Variants in PRMT8 observed in about 807,000 individuals in gnomAD.
PRMT8 encodes protein arginine N-methyltransferase 8.
Under a neutral mutation model 47.1 loss-of-function variants are expected in PRMT8, and 7 were observed. That is an observed-to-expected ratio of 0.15 (90% CI 0.08 to 0.28). The LOEUF (loss-of-function observed/expected upper bound fraction) is 0.28. Ranked by LOEUF, PRMT8 falls within the 10% of genes least tolerant of loss-of-function variation. PRMT8 has a pLI of 1.00. For synonymous variants in PRMT8, 188 were observed against 186.5 expected (o/e 1.01, Z -0.07); for missense variants, 237 against 505.4 (o/e 0.47, Z 5.09).
chr12:3,418,452 C>T (rs1864506098), intron 1 of PRMT8, among the ~76,000 whole-genome samples: 1 of 152,226 alleles, frequency 6.6e-6, no homozygotes, highest in African/African-American at 2.4e-5. Flanking sequence ...TGAGCTTCTG[C>T]TCCACATGGG....
intron 1 of PRMT8, among the ~76,000 whole-genome samples, chr12:3,382,879 T>A (rs1280611429): frequency 6.6e-6 from 1 of 152,236 alleles, no homozygotes; most frequent in Non-Finnish European, 1.5e-5. Flanking sequence ...GAGTTAATTT[T>A]TATATACCAT....
intron 1 of PRMT8, among the ~76,000 whole-genome samples, chr12:3,537,386 G>T (rs1866137856): frequency 1.3e-5 from 2 of 152,016 alleles, no homozygotes; most frequent in Admixed American, 1.3e-4. Flanking sequence ...ATCTATTTTT[G>T]TATTGGCTTG....
Position 3,478,262 on chromosome 12 carries a change from A to ATCTG in PRMT8, c.49-62341_49-62340insGTCT, listed in dbSNP as rs1273892996. On this transcript the variant is annotated intron_variant, in intron 1 of 9. Coordinates refer to the PRMT8 transcript ENST00000452611. ...ATTTATATCTATTGATCCACCTATC[A>ATCTG]TCTATCTATCTATCTATCTATCTAT... Among the ~76,000 whole-genome samples the ATCTG allele has an allele frequency of 4.0e-4, 28 of 70,344 alleles. No homozygotes were observed. In the South Asian group the frequency reaches 0.013, roughly 33 times the overall value. 46.1% of individuals were successfully genotyped at this position (70,344 alleles called of 152,430 possible).
intron 1 of PRMT8, among the ~76,000 whole-genome samples, chr12:3,479,826 C>T (rs1408878051): frequency 6.7e-6 from 1 of 149,856 alleles, no homozygotes; most frequent in African/African-American, 2.5e-5. Context: ...TTATTTGTTA[C>T]ATGTTAGTGT....
rs1159155879 is a variant in PRMT8, at chr12:3,538,912, G to C, written c.76-1694G>C. ...ACTGGGAAGTCTGCTTATTTCCCAA[G>C]GGCGGTAGCCTAGGTACACTGGGAA... On this transcript the variant is annotated intron_variant, in intron 1 of 9. Coordinates refer to ENST00000382622, the MANE Select transcript of PRMT8 (RefSeq NM_019854.5). This position sits in a 1 kb window ranked among gnomAD's most constrained non-coding sequence, Gnocchi z 4.6. Among the ~76,000 whole-genome samples the C allele has an allele frequency of 1.3e-5, 2 of 152,186 alleles. No individual in the cohort carries two copies. Among genetic ancestry groups the C allele is most frequent in the Admixed American group, 1.3e-4 (2 of 15,280 alleles).
chr12:3,504,478 G>T (rs796745819), intron 1 of PRMT8, among the ~76,000 whole-genome samples: 20,884 of 101,532 alleles, frequency 0.21, 162 homozygotes, highest in African/African-American at 0.38. Context: ...GTGTCAGTGT[G>T]CCCCTGGTGG....
At chr12:3,494,619 A>G (rs1338732663) in intron 1 of PRMT8, among the ~76,000 whole-genome samples, 2 of 152,238 alleles carry the variant, frequency 1.3e-5, no homozygotes, top group African/African-American at 4.8e-5. Context: ...GGATGGGAGA[A>G]AGTGTTCGTT....
intron 1 of PRMT8, among the ~76,000 whole-genome samples, chr12:3,499,353 CG>C (rs1475249797): frequency 1.1e-5 from 1 of 92,946 alleles, no homozygotes; most frequent in Non-Finnish European, 2.1e-5. Flanking sequence ...CCCCTCCCCC[CG>C]ACCCCACCAC....
intron 7 of PRMT8, among the ~76,000 whole-genome samples, chr12:3,581,085 C>T (rs1358398265): frequency 2.6e-5 from 4 of 152,178 alleles, no homozygotes; most frequent in Non-Finnish European, 4.4e-5. Context: ...CAAGCTGAAC[C>T]AGCAGTGTGC....
Position 3,451,938 on chromosome 12 carries a change from C to T in PRMT8, c.48+70496C>T, listed in dbSNP as rs116893360. 3.8e-4 allele frequency among the ~76,000 whole-genome samples: 58 copies of T among 152,252 alleles called. 1 individual carries two copies. The East Asian group carries it at 9.8e-3, about 26-fold the overall frequency. ...AGTTGAGGAGTAGAGAAGATAGATG[C>T]GGCTTCTCCACATAAATAAGCTGTA... On this transcript the variant is annotated intron_variant, in intron 1 of 9. Transcript: ENST00000452611.
rs904942079 is a variant in PRMT8 at position 3,409,484 on chromosome 12, T to A, written c.48+28042T>A. Among the ~76,000 whole-genome samples, 3 of 152,060 alleles carry A rather than the reference T, an allele frequency of 2.0e-5. No homozygotes were observed. The highest frequency in any genetic ancestry group is 7.2e-5 in the African/African-American group (3 of 41,390). On this transcript the variant is annotated intron_variant, in intron 1 of 9. Coordinates refer to the PRMT8 transcript ENST00000452611. The surrounding 1 kb of genome is among the most constrained non-coding windows in gnomAD (Gnocchi z 4.4). The stretch of plus-strand genomic sequence containing the variant: ...AGGACCCCTGGGTCCTTGGTGAAAT[T>A]CAGCTGCAGCTTGGGCCTCAGGAAG...
At chr12:3,485,385 C>T (rs1865313520) in intron 1 of PRMT8, among the ~76,000 whole-genome samples, 1 of 152,134 alleles carries the variant, frequency 6.6e-6, no homozygotes, top group African/African-American at 2.4e-5. Context: ...TCTGATTGTT[C>T]CAGCTACAGT....
intron 1 of PRMT8, among the ~76,000 whole-genome samples, chr12:3,475,840 A>G (rs1260059780): frequency 6.6e-6 from 1 of 152,214 alleles, no homozygotes; most frequent in Non-Finnish European, 1.5e-5. Flanking sequence ...CTTGTTTGTT[A>G]TGCTCATTCT....
intron 1 of PRMT8, among the ~76,000 whole-genome samples, chr12:3,387,048 G>A (rs1432082858): frequency 2.6e-5 from 4 of 152,124 alleles, no homozygotes; most frequent in East Asian, 1.9e-4. Flanking sequence ...AATAGGCTAT[G>A]AGCCCTTCAA....
intron 2 of PRMT8, among the ~76,000 whole-genome samples, chr12:3,545,353 T>C (rs1866309636): frequency 6.6e-6 from 1 of 152,242 alleles, no homozygotes; most frequent in Admixed American, 6.5e-5. Flanking sequence ...CCATGCCTGG[T>C]TCTAGATATA....
At chr12:3,445,405 T>C (rs1302121790) in intron 1 of PRMT8, among the ~76,000 whole-genome samples, 6 of 152,238 alleles carry the variant, frequency 3.9e-5, no homozygotes, top group Admixed American at 1.3e-4. Context: ...TAATTCACTT[T>C]ATTGATTTAA....
At chr12:3,505,433 C>G (rs893595397) in intron 1 of PRMT8, among the ~76,000 whole-genome samples, 1 of 152,222 alleles carries the variant, frequency 6.6e-6, no homozygotes, top group Admixed American at 6.5e-5. Flanking sequence ...GCTTCTCACT[C>G]AGCTGCACAC....
intron 8 of PRMT8, among the ~76,000 whole-genome samples, chr12:3,584,464 C>T (rs1030906356): frequency 2.6e-5 from 4 of 152,182 alleles, no homozygotes; most frequent in African/African-American, 9.7e-5. Context: ...ACCTGATCCC[C>T]GCTTTCCCTT....
At position 3,576,825 on chromosome 12, in the gene PRMT8, T is replaced by A. The variant is rs1866954140; in HGVS notation, c.713-46T>A. On this transcript the variant is annotated intron_variant, in intron 6 of 9. Transcript: ENST00000382622. The surrounding 1 kb of genome is among the most constrained non-coding windows in gnomAD (Gnocchi z 4.0). ...AGGACTCAGGAGGGTTGGGTGAGCTTCTGGGGGTCCTGCGCCTGCCTTCAC... is the reference window on the plus strand; with the variant it reads ...AGGACTCAGGAGGGTTGGGTGAGCTACTGGGGGTCCTGCGCCTGCCTTCAC... The A allele has an allele frequency of 6.6e-6, 10 of 1,519,434 alleles. No individual in the cohort carries two copies. The highest frequency in any genetic ancestry group is 9.1e-6 in the Non-Finnish European group (10 of 1,096,788). The allele number at this position is 1,519,434 out of a possible 1,614,324, so 94.1% of individuals were successfully genotyped here. A position where few individuals can be genotyped will look rare whatever the true frequency, so the allele number is the denominator to read the frequency against.
Sources: allele counts gnomAD v4.1 joint callset (sites outside exome capture counted in the v4.1 genomes callset), GRCh38; gene constraint gnomAD v4.1.1; non-coding constraint Gnocchi (gnomAD v3.1); transcripts MANE v1.5; gene names NCBI Gene and HGNC (gene_info 2026-07-23, HGNC 2026-07-21).